Variants in PRR5L observed in about 807,000 individuals in gnomAD.
PRR5L encodes the protein proline-rich protein 5-like.
PRR5L carries 21 observed loss-of-function variants against 36.4 expected under a neutral mutation model. The observed-to-expected ratio is 0.58, with a 90% CI of 0.41 to 0.83. The LOEUF is 0.83. Among genes scored for constraint, PRR5L ranks in the 40% least tolerant of loss-of-function variants. The pLI is 0.00. For missense variants in PRR5L, 381 were observed against 473.3 expected, an observed-to-expected ratio of 0.80 and a Z score of 1.81; for synonymous variants, 188 against 197.0, an observed-to-expected ratio of 0.95 and a Z score of 0.38.
chr11:36,376,175 C>G, intron 1 of PRR5L: 2 of 1,304,834 alleles, frequency 1.5e-6, no homozygotes, highest in Non-Finnish European at 1.0e-6. Flanking sequence ...GCAGGGCCCC[C>G]CTCTCCGCTC....
At chr11:36,376,791 C>A in intron 1 of PRR5L, 2 of 915,088 alleles carry the variant, frequency 2.2e-6, no homozygotes, top group Non-Finnish European at 2.6e-6. Flanking sequence ...TTACCGCGCG[C>A]TAATCTGACG....
In PRR5L at chr11:36,464,026, G is replaced by A. The variant is rs1859245754; in HGVS notation, c.*1290G>A. 1 of 152,242 alleles carries A rather than the reference G, an allele frequency of 6.6e-6. No individual in the cohort carries two copies. The highest frequency in any genetic ancestry group is 2.1e-4 in the South Asian group (1 of 4,826). The allele number at this position is 152,242 out of a possible 1,614,324, so 9.4% of individuals were successfully genotyped here. A position where few individuals can be genotyped will look rare whatever the true frequency, so the allele number is the denominator to read the frequency against. ...TTTTGGAAGGATGTTTATTCTCTGT[G>A]GTTAAAGAAATGCTGAGAATTTCTA... On this transcript the variant is annotated 3_prime_UTR_variant, in exon 9 of 9. Transcript: ENST00000530639.
intron 1 of PRR5L, among the ~76,000 whole-genome samples, chr11:36,365,819 A>G (rs1314724180): frequency 6.6e-6 from 1 of 152,210 alleles, no homozygotes; most frequent in African/African-American, 2.4e-5. Flanking sequence ...GTCAGACTAG[A>G]ACTGCCCACC....
chr11:36,420,146 G>A (rs1377955549), intron 4 of PRR5L, among the ~76,000 whole-genome samples: 6 of 152,338 alleles, frequency 3.9e-5, no homozygotes, highest in African/African-American at 1.2e-4. Context: ...CTGACTGGAC[G>A]GCACCTTAGT....
intron 3 of PRR5L, among the ~76,000 whole-genome samples, chr11:36,418,492 T>G (rs1858193543): frequency 6.6e-6 from 1 of 152,160 alleles, no homozygotes; most frequent in Non-Finnish European, 1.5e-5. Flanking sequence ...TTTAAAAATC[T>G]GTACAGGAAG....
intron 3 of PRR5L, among the ~76,000 whole-genome samples, chr11:36,416,602 G>C (rs1034665381): frequency 3.3e-5 from 5 of 152,294 alleles, no homozygotes; most frequent in Middle Eastern, 3.4e-3. Flanking sequence ...GCTGCTTCTA[G>C]CTTCAGAGTC....
intron 8 of PRR5L, among the ~76,000 whole-genome samples, chr11:36,459,942 C>T (rs1242604233): frequency 2.0e-5 from 3 of 152,026 alleles, no homozygotes; most frequent in Non-Finnish European, 2.9e-5. Flanking sequence ...TTCTTCTTGT[C>T]GTAAAATGCC....
At chr11:36,391,058 T>A (rs1010640630) in intron 1 of PRR5L, among the ~76,000 whole-genome samples, 2 of 152,182 alleles carry the variant, frequency 1.3e-5, no homozygotes. Flanking sequence ...AAAGAGGCCA[T>A]CTCTCTTGTT....
chr11:36,349,807 A>C (rs1180458508), intron 1 of PRR5L: 1 of 152,214 alleles, frequency 6.6e-6, no homozygotes, highest in Admixed American at 6.5e-5. Flanking sequence ...ACTGTAATCC[A>C]GGGCCAGTAC....
At chr11:36,332,912 T>C (rs1856733657) in intron 1 of PRR5L, among the ~76,000 whole-genome samples, 1 of 152,170 alleles carries the variant, frequency 6.6e-6, no homozygotes. Flanking sequence ...CCTCTTTTCT[T>C]TATAAATTAC....
intron 3 of PRR5L, among the ~76,000 whole-genome samples, chr11:36,413,740 T>C (rs1467778668): frequency 1.4e-5 from 2 of 145,830 alleles, no homozygotes; most frequent in Non-Finnish European, 3.0e-5. Flanking sequence ...TATTATACTT[T>C]TAGTGTACGT....
chr11:36,337,082 G>T (rs532009183), intron 1 of PRR5L, among the ~76,000 whole-genome samples: 1 of 152,138 alleles, frequency 6.6e-6, no homozygotes, highest in African/African-American at 2.4e-5. Context: ...AGGCCATAAA[G>T]GTTGTTGCTA....
chr11:36,463,148 C>A lies in PRR5L; in HGVS notation c.*412C>A. 6.1e-6 allele frequency: 1 copy of A among 162,862 alleles called. No homozygotes were observed. The highest frequency in any genetic ancestry group is 1.3e-5 in the Non-Finnish European group (1 of 75,626). 10.1% of individuals were successfully genotyped at this position (162,862 alleles called of 1,614,324 possible). ...CAAGGATGTGTTGGCCTTTGGAGTT[C>A]CCCTTTAGGTTCCTAGTGATGTGGA... is the stretch of plus-strand genomic sequence containing the variant. On this transcript the variant is annotated 3_prime_UTR_variant, in exon 9 of 9. Transcript: ENST00000530639.
At chr11:36,410,864 C>T (rs1041520889) in intron 3 of PRR5L, among the ~76,000 whole-genome samples, 2 of 152,184 alleles carry the variant, frequency 1.3e-5, no homozygotes, top group African/African-American at 4.8e-5. Context: ...ATTCAGCAGT[C>T]AGGCTAGATG....
intron 1 of PRR5L, among the ~76,000 whole-genome samples, chr11:36,392,185 C>T (rs604444): frequency 0.32 from 49,211 of 152,034 alleles, 8,729 homozygotes; most frequent in East Asian, 0.62. Context: ...CCATTATGTA[C>T]ATGTACCACA....
At chr11:36,413,698 AT>A (rs1858076948) in intron 3 of PRR5L, among the ~76,000 whole-genome samples, 1 of 142,394 alleles carries the variant, frequency 7.0e-6, no homozygotes, top group Non-Finnish European at 1.5e-5. Flanking sequence ...ATTTATTTCT[AT>A]TTTTTATTTT....
intron 1 of PRR5L, among the ~76,000 whole-genome samples, chr11:36,315,130 C>A (rs73443138): frequency 0.12 from 17,524 of 152,172 alleles, 1,044 homozygotes; most frequent in Non-Finnish European, 0.12. Context: ...CTAGACGGCA[C>A]TAGGAACTTT....
intron 4 of PRR5L, among the ~76,000 whole-genome samples, chr11:36,420,609 G>T (rs1317979613): frequency 2.6e-5 from 4 of 152,168 alleles, no homozygotes; most frequent in Non-Finnish European, 5.9e-5. Context: ...TTATTCTAAG[G>T]TGTAATCCAT....
chr11:36,439,346 GTT>G (rs1020240878), intron 6 of PRR5L, among the ~76,000 whole-genome samples: 3 of 152,068 alleles, frequency 2.0e-5, no homozygotes, highest in African/African-American at 7.2e-5. Context: ...GGGGAGGGGG[GTT>G]TTAAAAGCTC....
Sources: gnomAD v4.1 joint callset for allele counts (sites outside exome capture counted in the v4.1 genomes callset) on GRCh38, gnomAD v4.1.1 for gene constraint, MANE v1.5 for transcripts, NCBI Gene and HGNC (gene_info 2026-07-23, HGNC 2026-07-21) for gene names.